Variants in ABR observed in about 807,000 individuals in gnomAD.
ABR encodes active breakpoint cluster region-related protein.
A neutral mutation model predicts 107.2 loss-of-function variants in ABR; 35 were observed. The ratio of observed to expected loss-of-function variants is 0.33; its 90% CI spans 0.25 to 0.43. The LOEUF (loss-of-function observed/expected upper bound fraction) is 0.43, where lower values mean the gene tolerates loss of function less well. Among genes scored for constraint, ABR ranks in the 20% least tolerant of loss-of-function variants. ABR has a pLI of 1.00. For missense variants in ABR, 815 were observed against 1,115.2 expected, an observed-to-expected ratio of 0.73 and a Z score of 3.83; for synonymous variants, 498 against 462.0, an observed-to-expected ratio of 1.08 and a Z score of -1.00.
rs1469617118 is a variant in ABR at position 1,225,159 on chromosome 17, AAAAAG to A, written c.838+3629_838+3633del. On this transcript the variant is annotated intron_variant, in intron 1 of 22. Coordinates refer to the ABR transcript ENST00000574139. The stretch of plus-strand genomic sequence containing the variant: ...GTGAGACTCCATCTCAAAAAAAAAA[AAAAAG>A]AAAAGAAAAGAAAGAAAGAAATGGG... 4.0e-3 allele frequency among the ~76,000 whole-genome samples: 581 copies of A among 143,536 alleles called. 7 individuals carry two copies. The highest frequency in any genetic ancestry group is 0.015 in the African/African-American group (554 of 36,136). The allele number at this position is 143,536 out of a possible 152,430, so 94.2% of individuals were successfully genotyped here.
chr17:1,116,298 CAAAT>C lies in ABR; in HGVS notation c.246+8881_246+8884del, dbSNP rs2038982732. ...ACACAACACTGTTTATACAGTGAAA[CAAAT>C]AAACTAAAACAGAAAGAAAACTCCC... is the stretch of plus-strand genomic sequence containing the variant. On this transcript the variant is annotated intron_variant, in intron 2 of 22. Transcript: ENST00000302538. Among the ~76,000 whole-genome samples, 6 of 152,144 alleles carry C rather than the reference CAAAT, an allele frequency of 3.9e-5. No homozygotes were observed. In the South Asian group the frequency reaches 8.3e-4, roughly 21 times the overall value.
chr17:1,167,406 A>G (rs1318640534), intron 1 of ABR, among the ~76,000 whole-genome samples: 1 of 151,968 alleles, frequency 6.6e-6, no homozygotes, highest in Non-Finnish European at 1.5e-5. Context: ...CCAATCACAA[A>G]GCAGCATTTC....
Position 1,010,420 on chromosome 17 carries a change from C to T in ABR, c.2236+309G>A, listed in dbSNP as rs762476371. On this transcript the variant is annotated intron_variant, in intron 20 of 22. Coordinates refer to ENST00000302538, the MANE Select transcript of ABR (RefSeq NM_021962.5). The surrounding 1 kb of genome is among the most constrained non-coding windows in gnomAD (Gnocchi z 4.1). ...GTTCTGGGATGCTGGCTTCTGGCCA[C>T]TCACCTCAGGGCAGTCTTCCCTGGA... is the stretch of plus-strand genomic sequence containing the variant. 2.4e-5 allele frequency: 9 copies of T among 371,508 alleles called. No homozygotes were observed. Among genetic ancestry groups the T allele is most frequent in the Non-Finnish European group, 4.0e-5 (8 of 200,172 alleles). 23.0% of individuals were successfully genotyped at this position (371,508 alleles called of 1,614,324 possible).
chr17:1,171,121 C>A (rs1356315725), intron 1 of ABR, among the ~76,000 whole-genome samples: 6 of 152,182 alleles, frequency 3.9e-5, no homozygotes, highest in Admixed American at 3.9e-4. Flanking sequence ...GCTGTTTAGG[C>A]CCGAGGTAAC....
At chr17:1,127,442 T>C (rs760571300) in intron 1 of ABR, among the ~76,000 whole-genome samples, 2 of 152,194 alleles carry the variant, frequency 1.3e-5, no homozygotes, top group Non-Finnish European at 2.9e-5. Context: ...GAAATGACTC[T>C]GGTCCTTCCA....
exon 1 of ABR, among the ~76,000 whole-genome samples, chr17:1,229,433 G>A (rs1405454669): frequency 6.6e-6 from 1 of 151,488 alleles, no homozygotes; most frequent in Non-Finnish European, 1.5e-5. Flanking sequence ...CTCCGCCGCC[G>A]CCCCGGGCCA....
At chr17:1,144,982 C>G (rs1201131493) in intron 1 of ABR, among the ~76,000 whole-genome samples, 1 of 151,732 alleles carries the variant, frequency 6.6e-6, no homozygotes, top group African/African-American at 2.4e-5. Flanking sequence ...GGTGCCACGG[C>G]ACTCCAGCCT....
chr17:1,125,383 A>T lies in ABR; in HGVS notation c.62-16T>A. ...TAGCTGAAGTCTGAGACAAGGAACA[A>T]GAAAGGCCACTGAGAATCCTCCACC... On this transcript the variant is annotated splice_polypyrimidine_tract_variant and intron_variant, in intron 1 of 22. Transcript: ENST00000302538. 6.2e-7 allele frequency: 1 copy of T among 1,611,514 alleles called. No homozygotes were observed. The highest frequency in any genetic ancestry group is 8.5e-7 in the Non-Finnish European group (1 of 1,179,946).
chr17:1,031,743 C>CCGG, intron 16 of ABR: 1 of 1,233,116 alleles, frequency 8.1e-7, no homozygotes, highest in Non-Finnish European at 1.0e-6. Context: ...GTCGGTCATG[C>CCGG]CGGGGGGGAC....
Position 1,034,781 on chromosome 17 carries a change from G to C in ABR, c.1791+15269C>G, listed in dbSNP as rs115289653. Among the ~76,000 whole-genome samples, 892 of 152,190 alleles carry C rather than the reference G, an allele frequency of 5.9e-3. 15 individuals carry two copies. Among genetic ancestry groups the C allele is most frequent in the African/African-American group, 0.021 (851 of 41,490 alleles). On this transcript the variant is annotated intron_variant, in intron 16 of 22. Transcript: ENST00000302538. ...TAACTTCAGAATCGGCCCCTCACTG[G>C]CCTATGGTCCCCTTCCCTCGGGCTG...
intron 2 of ABR, among the ~76,000 whole-genome samples, chr17:1,123,778 T>C (rs897020382): frequency 6.6e-6 from 1 of 152,178 alleles, no homozygotes; most frequent in Non-Finnish European, 1.5e-5. Flanking sequence ...TCTCCCCTGG[T>C]TGGCCCCCGT....
rs538627759 is a variant in ABR, at chr17:1,150,435, A to C, written c.62-25068T>G. 2.0e-5 allele frequency among the ~76,000 whole-genome samples: 3 copies of C among 152,286 alleles called. No individual in the cohort carries two copies. In the South Asian group the frequency reaches 6.2e-4, roughly 32 times the overall value. ...TCCACTCTGAAGAGGTGCTCAGAGC[A>C]GTCAGATTCGTCCAGACACAAAGAG... On this transcript the variant is annotated intron_variant, in intron 1 of 22. Coordinates refer to ENST00000302538, the MANE Select transcript of ABR (RefSeq NM_021962.5). The surrounding 1 kb of genome is among the most constrained non-coding windows in gnomAD (Gnocchi z 4.8).
Position 1,084,787 on chromosome 17 carries a change from T to A in ABR, c.532-1160A>T, listed in dbSNP as rs1276792403. 6.6e-6 allele frequency among the ~76,000 whole-genome samples: 1 copy of A among 152,168 alleles called. No individual in the cohort carries two copies. Among genetic ancestry groups the A allele is most frequent in the Non-Finnish European group, 1.5e-5 (1 of 68,028 alleles). On this transcript the variant is annotated intron_variant, in intron 4 of 22. Coordinates refer to ENST00000302538, the MANE Select transcript of ABR (RefSeq NM_021962.5). The surrounding 1 kb of genome is among the most constrained non-coding windows in gnomAD (Gnocchi z 4.2). ...AATTGACAGCAACGGCTGGCAAGCA[T>A]ATGGGGAAATTTAAACTCCCTGTTT... is the stretch of plus-strand genomic sequence containing the variant.
intron 16 of ABR, among the ~76,000 whole-genome samples, chr17:1,039,176 G>A (rs539986593): frequency 2.0e-5 from 3 of 152,168 alleles, no homozygotes; most frequent in East Asian, 1.9e-4. Context: ...TGTCTGGACC[G>A]GCTTCTCTGC....
intron 4 of ABR, among the ~76,000 whole-genome samples, chr17:1,090,153 C>A (rs2036921983): frequency 6.6e-6 from 1 of 152,192 alleles, no homozygotes; most frequent in Non-Finnish European, 1.5e-5. Flanking sequence ...ACGTTTCAGG[C>A]ACACGGGGCC....
chr17:1,081,164 A>G (rs895373745), intron 5 of ABR, among the ~76,000 whole-genome samples: 1 of 152,184 alleles, frequency 6.6e-6, no homozygotes, highest in African/African-American at 2.4e-5. Flanking sequence ...GCTGATCTGA[A>G]CACAGACCAG....
At position 1,071,788 on chromosome 17, in the gene ABR, C is replaced by A. The variant is rs532273142; in HGVS notation, c.894+826G>T. On this transcript the variant is annotated intron_variant, in intron 8 of 22. Transcript: ENST00000302538. This position sits in a 1 kb window ranked among gnomAD's most constrained non-coding sequence, Gnocchi z 5.1. ...ATGAGGCACCCGGAGGCCACTTCCC[C>A]GGCGTGGGCCTCCAGACAGTCCCAG... 6.6e-6 allele frequency among the ~76,000 whole-genome samples: 1 copy of A among 152,250 alleles called. No individual in the cohort carries two copies. Among genetic ancestry groups the A allele is most frequent in the Non-Finnish European group, 1.5e-5 (1 of 68,034 alleles).
At chr17:1,223,840 G>T (rs1345085777) in intron 1 of ABR, among the ~76,000 whole-genome samples, 1 of 152,090 alleles carries the variant, frequency 6.6e-6, no homozygotes, top group African/African-American at 2.4e-5. Flanking sequence ...AACTCCCCTC[G>T]TGATCAGGAC....
intron 2 of ABR, among the ~76,000 whole-genome samples, chr17:1,117,625 C>G (rs1279465977): frequency 2.2e-5 from 1 of 45,336 alleles, no homozygotes; most frequent in East Asian, 4.8e-4. Context: ...CAGCGTTATC[C>G]CTGAGCCCGA....
Sources: allele counts gnomAD v4.1 joint callset (sites outside exome capture counted in the v4.1 genomes callset), GRCh38; gene constraint gnomAD v4.1.1; non-coding constraint Gnocchi (gnomAD v3.1); transcripts MANE v1.5; gene names NCBI Gene and HGNC (gene_info 2026-07-23, HGNC 2026-07-21).